Variants in FSTL4 observed in about 807,000 individuals in gnomAD.
The protein encoded by FSTL4 is follistatin like 4, also known as follistatin-related protein 4.
Under a neutral mutation model 78.2 loss-of-function variants are expected in FSTL4, and 28 were observed. The observed-to-expected ratio is 0.36, with a 90% confidence interval of 0.27 to 0.49. The LOEUF (loss-of-function observed/expected upper bound fraction) is 0.49, where lower values mean the gene tolerates loss of function less well. Among genes scored for constraint, FSTL4 ranks in the 20% least tolerant of loss-of-function variants. The probability of loss-of-function intolerance (pLI) is 0.98; values close to 1 mark genes in which losing one functional copy is unlikely to be tolerated. For missense variants in FSTL4, 922 were observed against 1,084.9 expected (o/e 0.85, Z 2.11); for synonymous variants, 422 against 440.5 (o/e 0.96, Z 0.53).
At chr5:133,720,819 A>C in the FSTL4 span, 1 of 153,088 alleles carries the variant, frequency 6.5e-6, no homozygotes, top group African/African-American at 2.4e-5. Context: ...GTACTTTGTT[A>C]ATCTGAATGC....
intron 1 of FSTL4, among the ~76,000 whole-genome samples, chr5:133,607,184 T>A (rs2112983188): frequency 6.6e-6 from 1 of 152,352 alleles, no homozygotes; most frequent in South Asian, 2.1e-4. Context: ...GCACTGTGGA[T>A]GTGTTTTAGA....
the FSTL4 span, among the ~76,000 whole-genome samples, chr5:133,657,973 T>G: frequency 6.6e-6 from 1 of 152,082 alleles, no homozygotes; most frequent in Admixed American, 6.5e-5. Context: ...TCTGGTTTCC[T>G]CTGAGTATAT....
chr5:133,203,989 G>A (rs1420580110), intron 14 of FSTL4, among the ~76,000 whole-genome samples: 1 of 152,068 alleles, frequency 6.6e-6, no homozygotes, highest in Non-Finnish European at 1.5e-5. Context: ...TAACTGTCAA[G>A]CCCCTCACAT....
At chr5:133,743,590 T>C in the FSTL4 span, among the ~76,000 whole-genome samples, 16 of 152,244 alleles carry the variant, frequency 1.1e-4, no homozygotes, top group African/African-American at 2.4e-5. Context: ...GCAATTCACA[T>C]GAAGTGATTA....
Position 133,225,626 on chromosome 5 carries a change from T to C in FSTL4, c.1177+32A>G. ...TCTCAGCTTGATTTGAATGGGAATA[T>C]CGCATAGACGTCTACCAAGGGCAGT... On this transcript the variant is annotated intron_variant, in intron 9 of 15. Coordinates refer to ENST00000265342, the MANE Select transcript of FSTL4 (RefSeq NM_015082.2). This position sits in a 1 kb window ranked among gnomAD's most constrained non-coding sequence, Gnocchi z 4.6. The C allele has an allele frequency of 6.6e-7, 1 of 1,512,062 alleles. No homozygotes were observed. Among genetic ancestry groups the C allele is most frequent in the Non-Finnish European group, 8.9e-7 (1 of 1,123,176 alleles). 93.7% of individuals were successfully genotyped at this position (1,512,062 alleles called of 1,614,324 possible).
intron 6 of FSTL4, among the ~76,000 whole-genome samples, chr5:133,308,977 T>C (rs1753715962): frequency 6.6e-6 from 1 of 152,228 alleles, no homozygotes; most frequent in African/African-American, 2.4e-5. Context: ...AACTATTTTC[T>C]AAAAAGCAGA....
rs56318640 is a variant in FSTL4 at position 133,576,569 on chromosome 5, C to T, written c.127-9350G>A. On this transcript the variant is annotated intron_variant, in intron 2 of 15. Coordinates refer to ENST00000265342, the MANE Select transcript of FSTL4 (RefSeq NM_015082.2). ...TTCATAGACAAAGCAGAAAGGAGTCCGCTGTACAAGGGGCCCGGCCTGAGG... is the reference window on the plus strand; with the variant it reads ...TTCATAGACAAAGCAGAAAGGAGTCTGCTGTACAAGGGGCCCGGCCTGAGG... Among the ~76,000 whole-genome samples the T allele has an allele frequency of 7.4e-3, 1,133 of 152,236 alleles. 17 individuals carry two copies. Among genetic ancestry groups the T allele is most frequent in the African/African-American group, 0.026 (1,085 of 41,526 alleles).
the FSTL4 span, among the ~76,000 whole-genome samples, chr5:133,721,486 C>G: frequency 6.6e-6 from 1 of 152,188 alleles, no homozygotes; most frequent in African/African-American, 2.4e-5. Context: ...ATTCCTTCAG[C>G]TTTTCCTTAT....
At chr5:133,386,293 A>G (rs1382403968) in intron 4 of FSTL4, among the ~76,000 whole-genome samples, 1 of 152,192 alleles carries the variant, frequency 6.6e-6, no homozygotes, top group Non-Finnish European at 1.5e-5. Context: ...ATTTGCTGCA[A>G]AGCTTGATGA....
At chr5:133,336,984 A>G (rs1754476966) in intron 4 of FSTL4, among the ~76,000 whole-genome samples, 1 of 152,138 alleles carries the variant, frequency 6.6e-6, no homozygotes, top group Non-Finnish European at 1.5e-5. Context: ...TGTGACCACT[A>G]ATGGAATGAT....
chr5:133,503,618 A>G (rs1461405869), intron 3 of FSTL4, among the ~76,000 whole-genome samples: 1 of 152,066 alleles, frequency 6.6e-6, no homozygotes, highest in East Asian at 1.9e-4. Context: ...TTCAGATTCT[A>G]CCTTCTTGCC....
At chr5:133,220,964 T>C in intron 11 of FSTL4, 98 bp from the exon 12 acceptor site, 1 of 790,378 alleles carries the variant, frequency 1.3e-6, no homozygotes, top group South Asian at 1.3e-5. Flanking sequence ...GCCACGTGGA[T>C]GCATCTGGTG....
chr5:133,823,088 C>T, the FSTL4 span, among the ~76,000 whole-genome samples: 3 of 152,102 alleles, frequency 2.0e-5, no homozygotes, highest in African/African-American at 7.2e-5. Flanking sequence ...TGATCAAGTG[C>T]CATAGCGTTC....
chr5:133,631,442 A>T, the FSTL4 span, among the ~76,000 whole-genome samples: 1 of 152,166 alleles, frequency 6.6e-6, no homozygotes, highest in East Asian at 1.9e-4. Flanking sequence ...TCAAAACCAC[A>T]ATGAGATACC....
chr5:133,203,072 G>A (rs1297086926), intron 14 of FSTL4, among the ~76,000 whole-genome samples: 1 of 152,238 alleles, frequency 6.6e-6, no homozygotes. Context: ...TTCTGCATAT[G>A]CTCATCAGCC....
chr5:133,256,761 C>T (rs191753383), intron 6 of FSTL4, among the ~76,000 whole-genome samples: 3 of 152,348 alleles, frequency 2.0e-5, no homozygotes, highest in Admixed American at 2.0e-4. Context: ...CAAGAGAGCA[C>T]TTGCATCTGT....
At chr5:133,808,885 A>G in the FSTL4 span, among the ~76,000 whole-genome samples, 2 of 131,644 alleles carry the variant, frequency 1.5e-5, no homozygotes, top group Non-Finnish European at 3.2e-5. Flanking sequence ...CCGCACACAA[A>G]CAAAACACAA....
At chr5:133,258,218 C>T (rs1220890142) in intron 6 of FSTL4, among the ~76,000 whole-genome samples, 2 of 152,222 alleles carry the variant, frequency 1.3e-5, no homozygotes, top group Admixed American at 1.3e-4. Flanking sequence ...CACACAACCT[C>T]TGTGTCATTG....
At chr5:133,384,545 C>T (rs1188788826) in intron 4 of FSTL4, among the ~76,000 whole-genome samples, 2 of 152,212 alleles carry the variant, frequency 1.3e-5, no homozygotes, top group Non-Finnish European at 2.9e-5. Flanking sequence ...TTAATTTTCA[C>T]AATCAGTGCC....
Sources: allele counts gnomAD v4.1 joint callset (sites outside exome capture counted in the v4.1 genomes callset), GRCh38; gene constraint gnomAD v4.1.1; non-coding constraint Gnocchi (gnomAD v3.1); transcripts MANE v1.5; gene names NCBI Gene and HGNC (gene_info 2026-07-23, HGNC 2026-07-21).